Variants in MAML3 observed in about 807,000 individuals in gnomAD.
MAML3 encodes mastermind like transcriptional coactivator 3, also known as mastermind-like protein 3.
Under a neutral mutation model 101.9 loss-of-function variants are expected in MAML3, and 27 were observed. That is an observed-to-expected ratio of 0.27 (90% CI 0.20 to 0.37). MAML3 has a LOEUF of 0.37. MAML3 is among the 10% of genes least tolerant of loss of function. MAML3 has a pLI of 1.00. For synonymous variants in MAML3, 501 were observed against 555.9 expected (o/e 0.90, Z 1.39); for missense variants, 1,316 against 1,444.9 (o/e 0.91, Z 1.45).
intron 2 of MAML3, among the ~76,000 whole-genome samples, chr4:139,776,574 G>C (rs1314798258): frequency 1.3e-5 from 2 of 152,222 alleles, no homozygotes; most frequent in Non-Finnish European, 1.5e-5. Context: ...GGTAGACTGA[G>C]GCTTTCCCTG....
chr4:140,009,713 T>G (rs1726517048), intron 1 of MAML3, among the ~76,000 whole-genome samples: 1 of 152,218 alleles, frequency 6.6e-6, no homozygotes, highest in Non-Finnish European at 1.5e-5. Flanking sequence ...CACCAGGAAC[T>G]ATTCTAGGAG....
At chr4:139,935,609 G>C (rs1733491481) in intron 1 of MAML3, among the ~76,000 whole-genome samples, 1 of 148,542 alleles carries the variant, frequency 6.7e-6, no homozygotes. Flanking sequence ...TATTCTCAGT[G>C]TTTCAAGTGT....
At chr4:140,035,630 T>C (rs1324158930) in intron 1 of MAML3, among the ~76,000 whole-genome samples, 2 of 151,592 alleles carry the variant, frequency 1.3e-5, no homozygotes, top group East Asian at 3.9e-4. Context: ...ACCCGTCTAC[T>C]AAAAATACAA....
At chr4:140,113,255 G>A (rs984167125) in intron 1 of MAML3, among the ~76,000 whole-genome samples, 8 of 152,048 alleles carry the variant, frequency 5.3e-5, no homozygotes, top group African/African-American at 1.2e-4. Flanking sequence ...CTCCAGCCTG[G>A]GTGACAGAGC....
At chr4:139,974,418 TAGTA>T (rs938285047) in intron 1 of MAML3, among the ~76,000 whole-genome samples, 7 of 152,112 alleles carry the variant, frequency 4.6e-5, no homozygotes, top group Admixed American at 2.0e-4. Context: ...TAATTGAACT[TAGTA>T]AGTGTCTGTT....
chr4:139,781,566 T>C (rs1730216559), intron 2 of MAML3, among the ~76,000 whole-genome samples: 1 of 149,020 alleles, frequency 6.7e-6, no homozygotes, highest in Non-Finnish European at 1.5e-5. Context: ...CTATTTTCTC[T>C]ACTAGCTTCA....
intron 1 of MAML3, among the ~76,000 whole-genome samples, chr4:139,902,667 A>C (rs74529536): frequency 3.3e-5 from 5 of 152,200 alleles, no homozygotes; most frequent in South Asian, 2.1e-4. Flanking sequence ...AGAGCTCTGG[A>C]GCCTGGCGGC....
At chr4:139,886,921 C>T (rs533747701) in intron 2 of MAML3, among the ~76,000 whole-genome samples, 1 of 152,300 alleles carries the variant, frequency 6.6e-6, no homozygotes, top group African/African-American at 2.4e-5. Flanking sequence ...AAGTAAACAT[C>T]TGTAAAAGAC....
At chr4:140,122,747 C>G (rs1468759626) in intron 1 of MAML3, among the ~76,000 whole-genome samples, 4 of 147,664 alleles carry the variant, frequency 2.7e-5, no homozygotes, top group South Asian at 2.1e-4. Flanking sequence ...AGCTGAGATC[C>G]CGCCACTGCA....
intron 1 of MAML3, among the ~76,000 whole-genome samples, chr4:140,102,102 G>A (rs1728261699): frequency 6.6e-6 from 1 of 152,136 alleles, no homozygotes; most frequent in Non-Finnish European, 1.5e-5. Flanking sequence ...TAAGTACTCA[G>A]CAAAAAGCTG....
intron 1 of MAML3, among the ~76,000 whole-genome samples, chr4:140,123,941 T>A (rs1728647405): frequency 6.6e-6 from 1 of 152,160 alleles, no homozygotes; most frequent in Non-Finnish European, 1.5e-5. Flanking sequence ...ATAACACTGT[T>A]TTTGCATCGT....
chr4:140,038,996 A>G (rs1727033965), intron 1 of MAML3, among the ~76,000 whole-genome samples: 2 of 152,004 alleles, frequency 1.3e-5, no homozygotes, highest in Non-Finnish European at 2.9e-5. Context: ...GCATGCGCCT[A>G]TGATCCCAGC....
chr4:139,992,574 G>A (rs370623775), intron 1 of MAML3, among the ~76,000 whole-genome samples: 4 of 151,790 alleles, frequency 2.6e-5, no homozygotes, highest in South Asian at 2.1e-4. Context: ...CTCTGTTGCC[G>A]GAGTGCAGTG....
At chr4:140,077,467 A>G (rs1023281339) in intron 1 of MAML3, among the ~76,000 whole-genome samples, 26 of 152,180 alleles carry the variant, frequency 1.7e-4, no homozygotes, top group African/African-American at 6.3e-4. Context: ...CCCCTTCTCA[A>G]TACAACATTG....
intron 4 of MAML3, among the ~76,000 whole-genome samples, chr4:139,724,957 CTA>C (rs1431211038): frequency 6.6e-6 from 1 of 152,160 alleles, no homozygotes; most frequent in East Asian, 1.9e-4. Flanking sequence ...CAGGGTTTTG[CTA>C]TGTTGGCCAG....
At chr4:140,104,395 T>TTATATAATATATATATAGTATATAA (rs1728309561) in intron 1 of MAML3, among the ~76,000 whole-genome samples, 1 of 31,080 alleles carries the variant, frequency 3.2e-5, no homozygotes, top group African/African-American at 7.8e-5. Context: ...ATATTATATA[T>TTATATAATATATATATAGTATATAA]TATATAATAT....
intron 2 of MAML3, among the ~76,000 whole-genome samples, chr4:139,860,917 C>T (rs1352603618): frequency 1.3e-5 from 2 of 151,960 alleles, no homozygotes; most frequent in East Asian, 1.9e-4. Flanking sequence ...TTCTCAGTGT[C>T]CATTTAGATC....
intron 1 of MAML3, among the ~76,000 whole-genome samples, chr4:140,106,797 G>A (rs915225604): frequency 6.6e-6 from 1 of 152,172 alleles, no homozygotes; most frequent in Non-Finnish European, 1.5e-5. Flanking sequence ...AAATATGAAG[G>A]CTTAGCAAAA....
At chr4:140,150,168 C>G (rs1357114) in intron 1 of MAML3, among the ~76,000 whole-genome samples, 152,001 of 152,360 alleles carry the variant, frequency 1, 75,822 homozygotes, top group Middle Eastern at 1. Context: ...TTTATTTTCA[C>G]GCAGTCATCT....
Sources: gnomAD v4.1 joint callset for allele counts (sites outside exome capture counted in the v4.1 genomes callset) on GRCh38, gnomAD v4.1.1 for gene constraint, MANE v1.5 for transcripts, NCBI Gene and HGNC (gene_info 2026-07-23, HGNC 2026-07-21) for gene names.